UMODL1: variants seen among roughly 807,000 people sequenced by gnomAD.
The protein encoded by UMODL1 is uromodulin-like 1.
In UMODL1, 128 loss-of-function variants were observed where a neutral mutation model predicts 136.3. The ratio of observed to expected loss-of-function variants is 0.94; its 90% CI spans 0.81 to 1.09. The LOEUF is 1.09. Ranked by LOEUF, UMODL1 falls within the 50% of genes least tolerant of loss-of-function variation. The pLI, the probability that UMODL1 is intolerant of heterozygous loss-of-function variation, is 0.00. For synonymous variants in UMODL1, 721 were observed against 720.0 expected, an observed-to-expected ratio of 1.00 and a Z score of -0.02; for missense variants, 1,766 against 1,725.6, an observed-to-expected ratio of 1.02 and a Z score of -0.41.
Position 42,122,835 on chromosome 21 carries a change from C to T in UMODL1, c.2832C>T (p.Asp944=), listed in dbSNP as rs915992610. The change falls in exon 17 of 23, where the codon GAC becomes GAT. Residue 944 remains aspartate (D), a synonymous_variant. Transcript: ENST00000408910. This position sits in a 1 kb window ranked among gnomAD's most constrained non-coding sequence, Gnocchi z 4.3. The part of the protein sequence containing the change: ...VEYSERPCEG[D]SPGNETWATS... ...TTTCCTCCTTGTGCCTTGCAGGTGA[C>T]TCTCCTGGCAATGAAACCTGGGCCA... The T allele has an allele frequency of 1.3e-6, 2 of 1,593,736 alleles. No individual in the cohort carries two copies. The highest frequency in any genetic ancestry group is 1.7e-6 in the Non-Finnish European group (2 of 1,167,474).
At chr21:42,135,488 G>A (rs1279789515) in intron 21 of UMODL1, among the ~76,000 whole-genome samples, 1 of 152,216 alleles carries the variant, frequency 6.6e-6, no homozygotes, top group African/African-American at 2.4e-5. Context: ...CCAGGGCTGA[G>A]AGTCCAGGGC....
intron 9 of UMODL1, chr21:42,108,320 C>T (rs749461306): frequency 3.8e-6 from 2 of 526,228 alleles, no homozygotes; most frequent in South Asian, 1.4e-5. Context: ...TTGAGTAGCA[C>T]CCCAGGAAGA....
At chr21:42,102,133 C>A (rs778927278) in intron 7 of UMODL1, 33 bp from the exon 8 acceptor site, 1 of 1,533,410 alleles carries the variant, frequency 6.5e-7, no homozygotes, top group Non-Finnish European at 9.0e-7. Context: ...TGACTTTTGA[C>A]CACAGGCTAA....
At chr21:42,103,407 G>A in intron 8 of UMODL1, 1 of 337,182 alleles carries the variant, frequency 3.0e-6, no homozygotes. Flanking sequence ...GGCATGGGTA[G>A]CCCTAAGCAC....
chr21:42,106,962 C>A (rs778049711), intron 9 of UMODL1, among the ~76,000 whole-genome samples: 44 of 152,184 alleles, frequency 2.9e-4, no homozygotes, highest in Non-Finnish European at 5.3e-4. Flanking sequence ...TTTCTGATGG[C>A]CCCTCCAGCG....
chr21:42,090,494 G>T, intron 6 of UMODL1, 56 bp downstream of exon 6: 1 of 1,595,958 alleles, frequency 6.3e-7, no homozygotes, highest in South Asian at 1.1e-5. Flanking sequence ...TGTTTGCCCC[G>T]GGAATACTCA....
intron 6 of UMODL1, among the ~76,000 whole-genome samples, chr21:42,095,873 A>T (rs890126577): frequency 1.3e-5 from 2 of 152,156 alleles, no homozygotes; most frequent in Non-Finnish European, 2.9e-5. Flanking sequence ...TGCACACAGT[A>T]CCCAGGAAAC....
intron 12 of UMODL1, among the ~76,000 whole-genome samples, chr21:42,113,285 A>C (rs902463212): frequency 6.6e-6 from 1 of 151,924 alleles, no homozygotes; most frequent in Non-Finnish European, 1.5e-5. Context: ...AGAGGCCTTC[A>C]TTTTGGGGAG....
intron 2 of UMODL1, among the ~76,000 whole-genome samples, chr21:42,082,391 C>T (rs932684264): frequency 2.2e-4 from 34 of 152,298 alleles, no homozygotes; most frequent in Admixed American, 6.5e-4. Flanking sequence ...ACCCAGTTAC[C>T]AGCTGGCCTC....
In UMODL1 at chr21:42,099,120, G is replaced by A. The variant is rs1267095299; in HGVS notation, c.1126G>A (p.Val376Met). 7 of 1,614,040 alleles carry A rather than the reference G, an allele frequency of 4.3e-6. No homozygotes were observed. The highest frequency in any genetic ancestry group is 1.7e-5 in the Admixed American group (1 of 60,034). ...AGLEAGVLYR[V>M]KTSYQGCGAD... ...GCTGGAGGCTGGAGTGCTGTACAGG[G>A]TGAAGACCAGCTACCAGGGGTGCGG... The change falls in exon 7 of 23, where the codon GTG (valine) becomes ATG (methionine). Residue 376 changes from valine to methionine, a missense_variant. Physicochemically the swap from Val to Met is conservative, Grantham distance 21. Transcript: ENST00000408910. This position sits in a 1 kb window ranked among gnomAD's most constrained non-coding sequence, Gnocchi z 4.1.
chr21:42,071,288 G>A (rs753777828), upstream of UMODL1: 1 of 1,515,536 alleles, frequency 6.6e-7, no homozygotes, highest in South Asian at 1.3e-5. Context: ...TAGAGGCCCA[G>A]AGCCCTGTAC....
chr21:42,114,372 C>T (rs896671794), intron 13 of UMODL1, among the ~76,000 whole-genome samples: 11 of 152,250 alleles, frequency 7.2e-5, no homozygotes, highest in African/African-American at 2.4e-4. Context: ...GATGAAATTC[C>T]TCTTTTCTTT....
intron 9 of UMODL1, 147 bp from the exon 10 acceptor site, chr21:42,109,415 G>A (rs2066782349): frequency 2.9e-6 from 3 of 1,031,588 alleles, no homozygotes; most frequent in Non-Finnish European, 4.3e-6. Context: ...GTTGTCATGA[G>A]AGTGTTGGAC....
rs369664526 is a variant in UMODL1, at chr21:42,118,707, T to G, written c.2476-404T>G. 3.3e-5 allele frequency among the ~76,000 whole-genome samples: 5 copies of G among 151,738 alleles called. No individual in the cohort carries two copies. In the East Asian group the frequency reaches 5.8e-4, roughly 18 times the overall value. On this transcript the variant is annotated intron_variant, in intron 14 of 22. Coordinates refer to ENST00000408910, the MANE Select transcript of UMODL1 (RefSeq NM_001004416.3). The stretch of plus-strand genomic sequence containing the variant: ...AGAAGGCAGCGGGAAGTGGTCTCCC[T>G]CCCCACGACCCTGCACTCAGCCCCC...
chr21:42,085,586 G>A lies in UMODL1; in HGVS notation c.603+174G>A, dbSNP rs138976337. 3.5e-3 allele frequency: 3,500 copies of A among 993,552 alleles called. 4 individuals carry two copies. The highest frequency in any genetic ancestry group is 7.5e-3 in the Middle Eastern group (23 of 3,052). 61.5% of individuals were successfully genotyped at this position (993,552 alleles called of 1,614,324 possible). On this transcript the variant is annotated intron_variant, in intron 4 of 22. Transcript: ENST00000408910. The surrounding 1 kb of genome is among the most constrained non-coding windows in gnomAD (Gnocchi z 4.5). ...GTTCTTAAAAAATCAGCTTCAAAGAGGTATGATTTACATGCAACAAAATGC... is the reference window on the plus strand; with the variant it reads ...GTTCTTAAAAAATCAGCTTCAAAGAAGTATGATTTACATGCAACAAAATGC...
At position 42,128,626 on chromosome 21, in the gene UMODL1, C is replaced by T. The variant is rs377515294; in HGVS notation, c.3690+795C>T. 6.6e-5 allele frequency among the ~76,000 whole-genome samples: 10 copies of T among 152,328 alleles called. 1 individual carries two copies. Among genetic ancestry groups the T allele is most frequent in the East Asian group, 1.9e-4 (1 of 5,186 alleles). ...CACTAGATCTTCCTGAGCAATGGGACAGAAGGAACCTCAGGTCCTAATGAC... is the reference window on the plus strand; with the variant it reads ...CACTAGATCTTCCTGAGCAATGGGATAGAAGGAACCTCAGGTCCTAATGAC... On this transcript the variant is annotated intron_variant, in intron 20 of 22. Transcript: ENST00000408910.
At chr21:42,115,586 C>T (rs969794887) in intron 13 of UMODL1, among the ~76,000 whole-genome samples, 5 of 152,186 alleles carry the variant, frequency 3.3e-5, no homozygotes, top group South Asian at 4.1e-4. Flanking sequence ...CATGGGGGAA[C>T]GGCAGCAAGG....
chr21:42,106,561 C>G (rs565513246), intron 9 of UMODL1, among the ~76,000 whole-genome samples: 19 of 152,094 alleles, frequency 1.2e-4, no homozygotes, highest in Non-Finnish European at 2.6e-4. Flanking sequence ...CCGTCCATCC[C>G]GGGGCCTGGG....
chr21:42,117,239 AG>A (rs1291660687), intron 14 of UMODL1, among the ~76,000 whole-genome samples: 9 of 152,152 alleles, frequency 5.9e-5, no homozygotes, highest in Admixed American at 5.9e-4. Context: ...AGTTAAAATG[AG>A]GTTTTCTGGT....
Sources: allele counts gnomAD v4.1 joint callset (sites outside exome capture counted in the v4.1 genomes callset), GRCh38; gene constraint gnomAD v4.1.1; non-coding constraint Gnocchi (gnomAD v3.1); transcripts MANE v1.5; gene names NCBI Gene and HGNC (gene_info 2026-07-23, HGNC 2026-07-21).